Variants in STX8 observed in about 807,000 individuals in gnomAD.
The protein encoded by STX8 is syntaxin 8, also known as syntaxin-8.
STX8 carries 23 observed loss-of-function variants against 37.5 expected under a neutral mutation model. The observed-to-expected ratio is 0.61, with a 90% CI of 0.44 to 0.87. The LOEUF is 0.87. Ranked by LOEUF, STX8 falls within the 40% of genes least tolerant of loss-of-function variation. The pLI is 0.00. For missense variants in STX8, 313 were observed against 284.7 expected (o/e 1.10, Z -0.71); for synonymous variants, 115 against 99.1 (o/e 1.16, Z -0.95).
At chr17:9,471,725 A>T (rs1344141964) in intron 6 of STX8, among the ~76,000 whole-genome samples, 1 of 152,148 alleles carries the variant, frequency 6.6e-6, no homozygotes, top group Non-Finnish European at 1.5e-5. Flanking sequence ...AATATGTCGC[A>T]CGTGCTGTCA....
At chr17:9,449,516 G>T (rs1458851091) in intron 6 of STX8, among the ~76,000 whole-genome samples, 1 of 152,136 alleles carries the variant, frequency 6.6e-6, no homozygotes, top group African/African-American at 2.4e-5. Flanking sequence ...AGCCGAGATG[G>T]AGCCACTGCA....
At chr17:9,289,513 ATTTT>A (rs58687825) in intron 7 of STX8, among the ~76,000 whole-genome samples, 1 of 147,260 alleles carries the variant, frequency 6.8e-6, no homozygotes, top group Non-Finnish European at 1.5e-5. Flanking sequence ...ATACCCACAA[ATTTT>A]TTTTTTTTTT....
intron 7 of STX8, among the ~76,000 whole-genome samples, chr17:9,289,685 CAGG>C (rs1908243353): frequency 6.6e-6 from 1 of 151,536 alleles, no homozygotes; most frequent in Non-Finnish European, 1.5e-5. Context: ...GAGGCTGAGG[CAGG>C]AGAATGGCAT....
chr17:9,417,054 C>A (rs1913224764), intron 6 of STX8, among the ~76,000 whole-genome samples: 1 of 152,174 alleles, frequency 6.6e-6, no homozygotes, highest in African/African-American at 2.4e-5. Context: ...TTCCACACCC[C>A]TATGGGTTCC....
chr17:9,353,147 C>G (rs1030135247), intron 7 of STX8, among the ~76,000 whole-genome samples: 6 of 152,204 alleles, frequency 3.9e-5, no homozygotes, highest in African/African-American at 1.2e-4. Flanking sequence ...AATCCTCACA[C>G]TTTGGCTTCC....
chr17:9,406,441 A>G (rs1912806666), intron 6 of STX8, among the ~76,000 whole-genome samples: 2 of 152,184 alleles, frequency 1.3e-5, no homozygotes, highest in Admixed American at 6.5e-5. Flanking sequence ...ACAGCATCTG[A>G]GCTTGCCTCA....
At chr17:9,324,765 CAAAAAA>C (rs534392223) in intron 7 of STX8, among the ~76,000 whole-genome samples, 2 of 45,940 alleles carry the variant, frequency 4.4e-5, no homozygotes, top group African/African-American at 1.5e-4. Flanking sequence ...AACTCCATCT[CAAAAAA>C]AAAAAAAAAA....
chr17:9,431,440 T>C (rs1414968831), intron 6 of STX8, among the ~76,000 whole-genome samples: 2 of 147,740 alleles, frequency 1.4e-5, no homozygotes, highest in East Asian at 3.9e-4. Flanking sequence ...GTTGTTGTTG[T>C]TGTTGTTGTT....
chr17:9,313,857 C>G (rs1281787980), intron 7 of STX8, among the ~76,000 whole-genome samples: 1 of 152,170 alleles, frequency 6.6e-6, no homozygotes, highest in African/African-American at 2.4e-5. Context: ...GTCTCGATCT[C>G]CTGACCTCGT....
At chr17:9,336,154 T>C (rs1461736334) in intron 7 of STX8, among the ~76,000 whole-genome samples, 1 of 152,184 alleles carries the variant, frequency 6.6e-6, no homozygotes, top group African/African-American at 2.4e-5. Context: ...CCTTCTAATG[T>C]GACTTATGAA....
At chr17:9,455,164 T>C (rs888593009) in intron 6 of STX8, among the ~76,000 whole-genome samples, 9 of 152,206 alleles carry the variant, frequency 5.9e-5, no homozygotes, top group African/African-American at 2.2e-4. Flanking sequence ...ATGACACCAT[T>C]GCACTCCAGC....
intron 2 of STX8, 27 bp from the exon 3 acceptor site, chr17:9,557,555 T>G: frequency 6.3e-7 from 1 of 1,598,782 alleles, no homozygotes; most frequent in Non-Finnish European, 8.6e-7. Flanking sequence ...ACATCCTAAG[T>G]ATTCTAGTCC....
At chr17:9,404,068 T>TA (rs2142323698) in intron 6 of STX8, among the ~76,000 whole-genome samples, 1 of 152,354 alleles carries the variant, frequency 6.6e-6, no homozygotes, top group Non-Finnish European at 1.5e-5. Context: ...TTATACATTA[T>TA]ATTCTTACAA....
intron 7 of STX8, among the ~76,000 whole-genome samples, chr17:9,298,323 GCCAGC>G (rs764020969): frequency 1.3e-4 from 20 of 152,160 alleles, no homozygotes; most frequent in Non-Finnish European, 2.4e-4. Context: ...CTGTACTTTG[GCCAGC>G]CCAGCCCTGG....
chr17:9,515,019 G>A (rs760730436), intron 4 of STX8, among the ~76,000 whole-genome samples: 2 of 151,990 alleles, frequency 1.3e-5, no homozygotes, highest in Non-Finnish European at 2.9e-5. Flanking sequence ...TTATATAGTC[G>A]GCATTGCTCT....
intron 1 of STX8, among the ~76,000 whole-genome samples, chr17:9,574,194 C>A (rs1907800022): frequency 6.6e-6 from 1 of 151,230 alleles, no homozygotes; most frequent in Non-Finnish European, 1.5e-5. Context: ...TTGCTTAAGC[C>A]CAGGAGGTGG....
intron 4 of STX8, among the ~76,000 whole-genome samples, chr17:9,526,795 G>A (rs961089269): frequency 1.3e-5 from 2 of 151,800 alleles, no homozygotes; most frequent in African/African-American, 4.8e-5. Context: ...GCTGGGAGGT[G>A]GAGGTTGCGG....
intron 7 of STX8, among the ~76,000 whole-genome samples, chr17:9,374,131 G>A (rs1213210717): frequency 6.7e-6 from 1 of 150,338 alleles, no homozygotes; most frequent in Non-Finnish European, 1.5e-5. Context: ...ACCCAGGCTG[G>A]AGTGCAGCGG....
intron 6 of STX8, among the ~76,000 whole-genome samples, chr17:9,381,201 A>G (rs1911804298): frequency 6.6e-6 from 1 of 151,650 alleles, no homozygotes; most frequent in Non-Finnish European, 1.5e-5. Context: ...ATTTCTCAGA[A>G]CATATCTCTG....
Sources: gnomAD v4.1 joint callset for allele counts (sites outside exome capture counted in the v4.1 genomes callset) on GRCh38, gnomAD v4.1.1 for gene constraint, MANE v1.5 for transcripts, NCBI Gene and HGNC (gene_info 2026-07-23, HGNC 2026-07-21) for gene names.